Variants in CTNNA3 observed in about 807,000 individuals in gnomAD.
CTNNA3 encodes catenin alpha 3, also known as catenin alpha-3.
A neutral mutation model predicts 95.7 loss-of-function variants in CTNNA3; 76 were observed. That is an observed-to-expected ratio of 0.79 (90% CI 0.66 to 0.96). The LOEUF is 0.96. Among genes scored for constraint, CTNNA3 ranks in the 40% least tolerant of loss-of-function variants. The pLI, the probability that CTNNA3 is intolerant of heterozygous loss-of-function variation, is 0.00. For missense variants in CTNNA3, 1,191 were observed against 1,089.8 expected (o/e 1.09, Z -1.31); for synonymous variants, 431 against 374.4 (o/e 1.15, Z -1.74).
At chr10:66,856,511 T>C (rs1254374967) in intron 7 of CTNNA3, among the ~76,000 whole-genome samples, 1 of 152,036 alleles carries the variant, frequency 6.6e-6, no homozygotes, top group African/African-American at 2.4e-5. Context: ...GTGACTCAAC[T>C]AAATTCTCAT....
At chr10:67,486,971 T>C (rs1034950144) in intron 5 of CTNNA3, among the ~76,000 whole-genome samples, 2 of 152,178 alleles carry the variant, frequency 1.3e-5, no homozygotes, top group Non-Finnish European at 2.9e-5. Context: ...CCAGTAATAT[T>C]GATACCAATC....
chr10:66,961,885 A>T (rs912218160), intron 7 of CTNNA3, among the ~76,000 whole-genome samples: 3 of 152,130 alleles, frequency 2.0e-5, no homozygotes, highest in Non-Finnish European at 4.4e-5. Flanking sequence ...TGGCATATGG[A>T]GGCCAAATGT....
chr10:66,883,113 G>T (rs181124255), intron 7 of CTNNA3, among the ~76,000 whole-genome samples: 10 of 152,208 alleles, frequency 6.6e-5, no homozygotes, highest in African/African-American at 2.4e-4. Context: ...CAGTTGTAGA[G>T]ACAATGTTGA....
At chr10:67,115,895 T>G (rs1012820070) in intron 7 of CTNNA3, among the ~76,000 whole-genome samples, 10 of 151,992 alleles carry the variant, frequency 6.6e-5, no homozygotes, top group African/African-American at 2.4e-4. Flanking sequence ...TCTAAAGAAG[T>G]TTAGCAATTT....
At chr10:66,995,832 C>T (rs921344461) in intron 7 of CTNNA3, among the ~76,000 whole-genome samples, 1 of 152,180 alleles carries the variant, frequency 6.6e-6, no homozygotes, top group Non-Finnish European at 1.5e-5. Flanking sequence ...TACAAACCTT[C>T]CTGAAATCCA....
chr10:66,740,318 T>C (rs1462449587), intron 9 of CTNNA3, among the ~76,000 whole-genome samples: 1 of 152,166 alleles, frequency 6.6e-6, no homozygotes, highest in Non-Finnish European at 1.5e-5. Context: ...CAAAATATAA[T>C]AAACACAGAA....
intron 7 of CTNNA3, among the ~76,000 whole-genome samples, chr10:66,894,883 T>A (rs1845413866): frequency 6.6e-6 from 1 of 151,724 alleles, no homozygotes; most frequent in East Asian, 1.9e-4. Context: ...TTGTAGATAC[T>A]AATACTGTAA....
At chr10:67,751,285 G>C in intron 1 of CTNNA3, 1 of 1,020,532 alleles carries the variant, frequency 9.8e-7, no homozygotes, top group East Asian at 2.5e-5. Context: ...TCGCTGAAGT[G>C]TGACATCTCC....
At chr10:67,179,335 T>A (rs574722696) in intron 7 of CTNNA3, among the ~76,000 whole-genome samples, 1 of 151,974 alleles carries the variant, frequency 6.6e-6, no homozygotes, top group South Asian at 2.1e-4. Context: ...TTTATAAATA[T>A]TACCAAGATT....
At chr10:66,447,556 A>C (rs1197158382) in intron 11 of CTNNA3, among the ~76,000 whole-genome samples, 1 of 151,926 alleles carries the variant, frequency 6.6e-6, no homozygotes, top group Non-Finnish European at 1.5e-5. Flanking sequence ...ACAAACCTGA[A>C]AAAAACAAGC....
chr10:66,206,228 A>G (rs1413044751), intron 13 of CTNNA3, among the ~76,000 whole-genome samples: 1 of 151,952 alleles, frequency 6.6e-6, no homozygotes. Context: ...ATTTAAAAGA[A>G]AAAGTCAAGG....
At chr10:67,587,093 C>A (rs1398170927) in intron 3 of CTNNA3, among the ~76,000 whole-genome samples, 2 of 152,160 alleles carry the variant, frequency 1.3e-5, no homozygotes, top group South Asian at 4.2e-4. Context: ...GGCCTGATCA[C>A]AACTCACTAC....
chr10:65,967,258 G>T (rs1296645216), intron 16 of CTNNA3, among the ~76,000 whole-genome samples: 1 of 152,090 alleles, frequency 6.6e-6, no homozygotes, highest in East Asian at 1.9e-4. Flanking sequence ...ACCTGGCCAA[G>T]AAACGTTAAA....
intron 13 of CTNNA3, among the ~76,000 whole-genome samples, chr10:66,225,829 T>C (rs956134049): frequency 6.6e-6 from 1 of 152,030 alleles, no homozygotes; most frequent in African/African-American, 2.4e-5. Flanking sequence ...ATTAGTGATA[T>C]TGAACATTTT....
intron 9 of CTNNA3, among the ~76,000 whole-genome samples, chr10:66,692,060 C>G (rs1272127949): frequency 6.6e-6 from 1 of 152,184 alleles, no homozygotes; most frequent in Non-Finnish European, 1.5e-5. Context: ...GAGCGCCTCT[C>G]CTCCTCCAAA....
At chr10:66,777,419 G>A (rs1179967834) in intron 7 of CTNNA3, among the ~76,000 whole-genome samples, 1 of 151,724 alleles carries the variant, frequency 6.6e-6, no homozygotes, top group African/African-American at 2.4e-5. Context: ...AAGGGAAATA[G>A]GAGAGATTTG....
At chr10:66,845,740 G>GAT (rs1302694920) in intron 7 of CTNNA3, among the ~76,000 whole-genome samples, 3 of 30,544 alleles carry the variant, frequency 9.8e-5, no homozygotes, top group African/African-American at 2.2e-4. Context: ...CTAAAAAGGT[G>GAT]AGATATATAT....
chr10:67,427,030 A>T (rs988126821), intron 5 of CTNNA3, among the ~76,000 whole-genome samples: 1 of 152,052 alleles, frequency 6.6e-6, no homozygotes, highest in African/African-American at 2.4e-5. Context: ...GTGCGTGGTA[A>T]TTAATTTTTA....
chr10:67,197,037 C>A (rs1459312492), intron 6 of CTNNA3, among the ~76,000 whole-genome samples: 1 of 152,044 alleles, frequency 6.6e-6, no homozygotes, highest in Admixed American at 6.6e-5. Flanking sequence ...GATTTTTATA[C>A]ACAATAAGAT....
Sources: allele counts gnomAD v4.1 joint callset (sites outside exome capture counted in the v4.1 genomes callset), GRCh38; gene constraint gnomAD v4.1.1; transcripts MANE v1.5; gene names NCBI Gene and HGNC (gene_info 2026-07-23, HGNC 2026-07-21).